The following ARL17B variants were observed in gnomAD, a reference collection of about 807,000 sequenced individuals.
The protein encoded by ARL17B is ARF like GTPase 17B.
At chr17:46,332,370 C>T (rs2051998934), downstream of ARL17B, among the ~76,000 whole-genome samples, 1 of 70,042 alleles carries the variant, frequency 1.4e-5, no homozygotes, top group Non-Finnish European at 2.5e-5. Context: ...GGAGGATCAC[C>T]TGAGCCCAGG....
At chr17:46,276,790 C>CTTTTCTTTT (rs2049598576) in intron 4 of ARL17B, among the ~76,000 whole-genome samples, 26 of 134,232 alleles carry the variant, frequency 1.9e-4, no homozygotes, top group Non-Finnish European at 3.2e-4. Flanking sequence ...TTCTTTTTTT[C>CTTTTCTTTT]TTTTTTTTTT....
At position 46,315,294 on chromosome 17, in the gene ARL17B, G is replaced by A. The variant is rs1433653348; in HGVS notation, c.260-15629C>T. Among the ~76,000 whole-genome samples, 20 of 86,448 alleles carry A rather than the reference G, an allele frequency of 2.3e-4. 8 individuals carry two copies. Among genetic ancestry groups the A allele is most frequent in the Non-Finnish European group, 5.4e-4 (17 of 31,524 alleles). 56.7% of individuals were successfully genotyped at this position (86,448 alleles called of 152,430 possible). A position where few individuals can be genotyped will look rare whatever the true frequency, so the allele number is the denominator to read the frequency against. On this transcript the variant is annotated intron_variant, in intron 3 of 4. Transcript: ENST00000434041. ...CATCCTAGCACTTTGGGAGGCTGCG[G>A]TGGGAGGATTGCTTGACCCCAGGAG...
At chr17:46,287,624 G>A (rs1257268232) in intron 4 of ARL17B, among the ~76,000 whole-genome samples, 2 of 152,262 alleles carry the variant, frequency 1.3e-5, no homozygotes, top group African/African-American at 2.4e-5. Flanking sequence ...ATGGAATATG[G>A]CATGGGCCAC....
rs190535297 is a variant in ARL17B at position 46,281,334 on chromosome 17, T to C, written c.*22-5916A>G. Among the ~76,000 whole-genome samples, 398 of 152,070 alleles carry C rather than the reference T, an allele frequency of 2.6e-3. 2 individuals carry two copies. The highest frequency in any genetic ancestry group is 0.024 in the Middle Eastern group (7 of 294). On this transcript the variant is annotated intron_variant, in intron 4 of 4. Coordinates refer to the ARL17B transcript ENST00000570618. ...GTCATTTGCTGAGTGAATGAATTTA[T>C]TCTGCTAGAATTTAAAGTCCCGTGA...
At chr17:46,316,051 G>T (rs1361481534) in intron 3 of ARL17B, among the ~76,000 whole-genome samples, 109 of 11,866 alleles carry the variant, frequency 9.2e-3, no homozygotes, top group African/African-American at 0.023. Flanking sequence ...AGCCTCCTGA[G>T]TAGCTGGGAC....
downstream of ARL17B, chr17:46,330,438 C>A (rs1425839934): frequency 9.2e-5 from 10 of 108,666 alleles, no homozygotes; most frequent in East Asian, 7.8e-4. Context: ...GCAGTCTCTT[C>A]TTTTTTGACA....
At chr17:46,282,346 G>A (rs62071632) in intron 4 of ARL17B, among the ~76,000 whole-genome samples, 17,936 of 150,282 alleles carry the variant, frequency 0.12, no homozygotes, top group Non-Finnish European at 0.18. Context: ...TTCGTGATCC[G>A]CCCCACTCGG....
chr17:46,323,954 CATT>C (rs2051552559), intron 3 of ARL17B, among the ~76,000 whole-genome samples: 2 of 101,472 alleles, frequency 2.0e-5, no homozygotes, highest in African/African-American at 3.2e-5. Context: ...TGTATACAAA[CATT>C]ATGTCATTTC....
rs2049909566 is a variant in ARL17B at position 46,286,328 on chromosome 17, A to T, written c.*22-10910T>A. ...TTTTGGAGAACCAATTTAAAGATAA[A>T]TATGAAACATTCAATTGATTTTAAA... On this transcript the variant is annotated intron_variant, in intron 4 of 4. Coordinates refer to the ARL17B transcript ENST00000570618. Among the ~76,000 whole-genome samples the T allele has an allele frequency of 2.0e-5, 3 of 152,376 alleles. No individual in the cohort carries two copies. In the South Asian group the frequency reaches 6.2e-4, roughly 32 times the overall value.
At chr17:46,285,620 T>C (rs1192274167) in intron 4 of ARL17B, among the ~76,000 whole-genome samples, 1 of 152,234 alleles carries the variant, frequency 6.6e-6, no homozygotes, top group Non-Finnish European at 1.5e-5. Flanking sequence ...GAGAGGAAGT[T>C]TCTTTAAAAA....
chr17:46,277,637 T>TTTTCTTTTCTTTTCTTTTC (rs1555610945), intron 4 of ARL17B, among the ~76,000 whole-genome samples: 2 of 150,258 alleles, frequency 1.3e-5, no homozygotes, highest in African/African-American at 2.5e-5. Context: ...TTTTCTTTTC[T>TTTTCTTTTCTTTTCTTTTC]TTTCTTTCTT....
chr17:46,350,578 G>C (rs866192210), intron 3 of ARL17B, among the ~76,000 whole-genome samples: 19 of 89,164 alleles, frequency 2.1e-4, no homozygotes, highest in Admixed American at 1.1e-3. Context: ...AAAAAAAAGG[G>C]GGGGGGAGGC....
At chr17:46,323,380 C>T (rs999307564) in intron 3 of ARL17B, among the ~76,000 whole-genome samples, 3 of 98,168 alleles carry the variant, frequency 3.1e-5, no homozygotes, top group African/African-American at 9.8e-5. Context: ...TTGTGTTTGG[C>T]TCCTTTCACA....
At chr17:46,277,846 C>T (rs2049635248) in intron 4 of ARL17B, among the ~76,000 whole-genome samples, 1 of 151,024 alleles carries the variant, frequency 6.6e-6, no homozygotes, top group African/African-American at 2.4e-5. Context: ...AAGGTTTTAC[C>T]ATATTGGCCA....
rs141225485 is a variant in ARL17B, at chr17:46,285,656, G to A, written c.*22-10238C>T. On this transcript the variant is annotated intron_variant, in intron 4 of 4. Coordinates refer to the ARL17B transcript ENST00000570618. ...TAAAATGTATAAAGAAGTGAGTCAC[G>A]TTAGATTATCTGAGTGTTAGATAAG... Among the ~76,000 whole-genome samples the A allele has an allele frequency of 2.1e-3, 316 of 152,302 alleles. 14 individuals carry two copies. The East Asian group carries it at 0.051, about 25-fold the overall frequency.
chr17:46,274,651 T>C (rs939264903), downstream of ARL17B: 1 of 152,706 alleles, frequency 6.5e-6, no homozygotes, highest in Non-Finnish European at 1.5e-5. Context: ...GCATCTTTTT[T>C]GCAACAATAA....
chr17:46,288,706 C>CTT (rs199591277), intron 4 of ARL17B, among the ~76,000 whole-genome samples: 6,640 of 135,602 alleles, frequency 0.049, no homozygotes, highest in Middle Eastern at 0.074. Flanking sequence ...CTTGTTTTTT[C>CTT]TTTTTTTTTT....
chr17:46,279,001 T>G (rs1457459089), intron 4 of ARL17B, among the ~76,000 whole-genome samples: 2 of 152,098 alleles, frequency 1.3e-5, no homozygotes, highest in Non-Finnish European at 2.9e-5. Context: ...TTTCACCATG[T>G]TGGTCAGGCT....
At chr17:46,314,801 T>A (rs1353764263) in intron 3 of ARL17B, among the ~76,000 whole-genome samples, 1 of 82,150 alleles carries the variant, frequency 1.2e-5, no homozygotes, top group African/African-American at 3.1e-5. Flanking sequence ...GGTCTGTAAT[T>A]TTTTGTGTGT....
Sources: allele counts gnomAD v4.1 joint callset (sites outside exome capture counted in the v4.1 genomes callset), GRCh38; gene constraint gnomAD v4.1.1; transcripts MANE v1.5; gene names NCBI Gene and HGNC (gene_info 2026-07-23, HGNC 2026-07-21).